CNTNAP5: variants seen among roughly 807,000 people sequenced by gnomAD.
CNTNAP5 encodes contactin-associated protein-like 5.
In CNTNAP5, 72 loss-of-function variants were observed where a neutral mutation model predicts 150.2. The ratio of observed to expected loss-of-function variants is 0.48; its 90% confidence interval spans 0.40 to 0.58. The LOEUF is 0.58. CNTNAP5 is among the 20% of genes least tolerant of loss of function. The probability of loss-of-function intolerance (pLI) is 0.00; values close to 1 mark genes in which losing one functional copy is unlikely to be tolerated. For synonymous variants in CNTNAP5, 672 were observed against 619.8 expected (o/e 1.08, Z -1.25); for missense variants, 1,636 against 1,626.2 (o/e 1.01, Z -0.10).
At chr2:124,446,075 G>C (rs1692808063) in intron 5 of CNTNAP5, among the ~76,000 whole-genome samples, 1 of 152,016 alleles carries the variant, frequency 6.6e-6, no homozygotes, top group African/African-American at 2.4e-5. Context: ...AGTATGACCC[G>C]AGCCATGATC....
At chr2:124,088,830 G>A (rs180732466) in intron 1 of CNTNAP5, among the ~76,000 whole-genome samples, 1 of 152,280 alleles carries the variant, frequency 6.6e-6, no homozygotes, top group Non-Finnish European at 1.5e-5. Flanking sequence ...CACCACTCAA[G>A]TGCATCTTGA....
chr2:124,774,967 G>A (rs1681289712), intron 17 of CNTNAP5, among the ~76,000 whole-genome samples: 2 of 152,192 alleles, frequency 1.3e-5, no homozygotes, highest in Admixed American at 6.5e-5. Context: ...ATGTCGATGG[G>A]TCTGGAGGAG....
At chr2:124,776,356 C>G (rs550230303) in intron 17 of CNTNAP5, among the ~76,000 whole-genome samples, 9 of 152,212 alleles carry the variant, frequency 5.9e-5, no homozygotes, top group African/African-American at 1.9e-4. Flanking sequence ...TTACAATCCC[C>G]TGGGGAAAAT....
At position 124,733,084 on chromosome 2, in the gene CNTNAP5, C is replaced by T. The variant is rs569210771; in HGVS notation, c.2078-14145C>T. Among the ~76,000 whole-genome samples the T allele has an allele frequency of 8.5e-5, 13 of 152,132 alleles. No individual in the cohort carries two copies. The East Asian group carries it at 2.5e-3, about 29-fold the overall frequency. ...ACAAAATTATTGATTTATTGAACAC[C>T]TTATTTAAGAAAAGATTAGGAGCTT... On this transcript the variant is annotated intron_variant, in intron 13 of 23. Transcript: ENST00000682447.
At chr2:124,269,597 C>T (rs1425436831) in intron 3 of CNTNAP5, among the ~76,000 whole-genome samples, 6 of 151,810 alleles carry the variant, frequency 4.0e-5, no homozygotes, top group African/African-American at 1.5e-4. Context: ...AGTCTGAACA[C>T]GGAAAGTGAT....
chr2:124,430,718 A>C (rs1692356980), intron 4 of CNTNAP5, among the ~76,000 whole-genome samples: 1 of 152,188 alleles, frequency 6.6e-6, no homozygotes, highest in South Asian at 2.1e-4. Context: ...CAGTTCTGAA[A>C]CTATTAATAG....
chr2:124,087,823 G>T (rs530874019), intron 1 of CNTNAP5, among the ~76,000 whole-genome samples: 15 of 123,384 alleles, frequency 1.2e-4, no homozygotes, highest in African/African-American at 4.4e-4. Flanking sequence ...CACTTGATTT[G>T]TTTTGTTTTG....
chr2:124,495,063 T>G (rs1694114623), intron 7 of CNTNAP5, among the ~76,000 whole-genome samples: 1 of 152,330 alleles, frequency 6.6e-6, no homozygotes, highest in Admixed American at 6.5e-5. Flanking sequence ...ATGGGTATAT[T>G]TCACCTGATT....
At chr2:124,786,408 AAGGAAGGAAGGAAG>A (rs1681585556) in intron 17 of CNTNAP5, among the ~76,000 whole-genome samples, 4 of 99,168 alleles carry the variant, frequency 4.0e-5, no homozygotes, top group African/African-American at 1.9e-4. Flanking sequence ...AGAAGGAAGG[AAGGAAGGAAGGAAG>A]GAAGGAAGGA....
intron 19 of CNTNAP5, among the ~76,000 whole-genome samples, chr2:124,860,432 CTTCCTTCCTTCCTTCCTTCT>C (rs1677491316): frequency 2.3e-5 from 3 of 132,364 alleles, no homozygotes; most frequent in African/African-American, 3.6e-5. Context: ...TCCTTCCTTC[CTTCCTTCCTTCCTTCCTTCT>C]TTCCTTCCTT....
intron 8 of CNTNAP5, among the ~76,000 whole-genome samples, chr2:124,513,716 G>A (rs1694644533): frequency 6.6e-6 from 1 of 152,176 alleles, no homozygotes; most frequent in Admixed American, 6.5e-5. Flanking sequence ...TCAAACCCAG[G>A]AATGAGTTAT....
chr2:124,248,547 G>A (rs964953602), intron 3 of CNTNAP5, among the ~76,000 whole-genome samples: 2 of 152,194 alleles, frequency 1.3e-5, no homozygotes, highest in African/African-American at 4.8e-5. Flanking sequence ...GCAACAGCTG[G>A]TCTTCACCCC....
At chr2:124,480,010 C>T (rs148770196) in intron 7 of CNTNAP5, among the ~76,000 whole-genome samples, 3 of 152,276 alleles carry the variant, frequency 2.0e-5, no homozygotes, top group African/African-American at 4.8e-5. Flanking sequence ...TCTATAAATC[C>T]ATTCAACTGA....
intron 13 of CNTNAP5, among the ~76,000 whole-genome samples, chr2:124,692,855 A>G (rs891227922): frequency 1.3e-5 from 2 of 152,080 alleles, no homozygotes; most frequent in Non-Finnish European, 2.9e-5. Context: ...AATGAGCGCC[A>G]ATGGTCTCTG....
intron 3 of CNTNAP5, among the ~76,000 whole-genome samples, chr2:124,250,473 GCTTT>G (rs1054639840): frequency 3.9e-5 from 6 of 152,122 alleles, no homozygotes; most frequent in African/African-American, 1.4e-4. Flanking sequence ...CTCAGGGTCT[GCTTT>G]CTTTTGAGCT....
rs1573713451 is a variant in CNTNAP5, at chr2:124,919,723, C to G, written c.*5435C>G. ...ACTCACATTTGCATGATTTTTTTTA[C>G]CTTCCAACACTTCTTCAGTCACATT... is the stretch of plus-strand genomic sequence containing the variant. On this transcript the variant is annotated 3_prime_UTR_variant, in exon 24 of 24. Coordinates refer to ENST00000682447, the MANE Select transcript of CNTNAP5 (RefSeq NM_001367498.1). Among the ~76,000 whole-genome samples, 1 of 151,968 alleles carries G rather than the reference C, an allele frequency of 6.6e-6. No homozygotes were observed. The highest frequency in any genetic ancestry group is 1.5e-5 in the Non-Finnish European group (1 of 67,980).
chr2:124,548,417 C>A (rs2104913974), intron 10 of CNTNAP5, among the ~76,000 whole-genome samples: 1 of 152,278 alleles, frequency 6.6e-6, no homozygotes, highest in East Asian at 1.9e-4. Flanking sequence ...AGTGGAGAGG[C>A]AGCTGCCCAG....
chr2:124,783,362 CTTAT>C (rs1376560626), intron 17 of CNTNAP5, among the ~76,000 whole-genome samples: 1 of 152,110 alleles, frequency 6.6e-6, no homozygotes, highest in Non-Finnish European at 1.5e-5. Flanking sequence ...ATTACCATGA[CTTAT>C]TTATCATTCT....
chr2:124,057,282 AT>A (rs560714964), intron 1 of CNTNAP5, among the ~76,000 whole-genome samples: 35,681 of 125,404 alleles, frequency 0.28, 4,099 homozygotes, highest in African/African-American at 0.3. Flanking sequence ...TAACAAGTCC[AT>A]TTTTTTTTTT....
Sources: allele counts gnomAD v4.1 joint callset (sites outside exome capture counted in the v4.1 genomes callset), GRCh38; gene constraint gnomAD v4.1.1; transcripts MANE v1.5; gene names NCBI Gene and HGNC (gene_info 2026-07-23, HGNC 2026-07-21).